LRRC4C: variants seen among roughly 807,000 people sequenced by gnomAD.
LRRC4C encodes the protein leucine rich repeat containing 4C, also known as leucine-rich repeat-containing protein 4C.
In LRRC4C, 5 loss-of-function variants were observed where a neutral mutation model predicts 33.6. The ratio of observed to expected loss-of-function variants is 0.15; its 90% confidence interval spans 0.08 to 0.31. The LOEUF is 0.31. LRRC4C is among the 10% of genes least tolerant of loss of function. The pLI, the probability that LRRC4C is intolerant of heterozygous loss-of-function variation, is 1.00. For synonymous variants in LRRC4C, 329 were observed against 302.0 expected (o/e 1.09, Z -0.93); for missense variants, 560 against 796.7 (o/e 0.70, Z 3.58).
intron 1 of LRRC4C, among the ~76,000 whole-genome samples, chr11:41,179,868 C>G (rs1389961812): frequency 1.2e-5 from 1 of 80,094 alleles, no homozygotes; most frequent in Non-Finnish European, 2.6e-5. Flanking sequence ...TAGGTGTTGA[C>G]AAAAACACAG....
intron 2 of LRRC4C, among the ~76,000 whole-genome samples, chr11:40,872,096 G>T (rs948099577): frequency 1.3e-5 from 2 of 152,090 alleles, no homozygotes; most frequent in Non-Finnish European, 2.9e-5. Flanking sequence ...AGTTTCCTGT[G>T]TGAAGGATGC....
At chr11:41,004,250 T>A (rs1455865672) in intron 1 of LRRC4C, among the ~76,000 whole-genome samples, 1 of 152,172 alleles carries the variant, frequency 6.6e-6, no homozygotes, top group Non-Finnish European at 1.5e-5. Context: ...TAGCAAGCAA[T>A]GTTACAAGCA....
chr11:41,248,707 A>G (rs1948533158), intron 1 of LRRC4C, among the ~76,000 whole-genome samples: 1 of 113,772 alleles, frequency 8.8e-6, no homozygotes, highest in Non-Finnish European at 2.1e-5. Context: ...CTGATGACCA[A>G]ATTTACATCT....
chr11:40,470,671 C>T (rs1263629441), intron 3 of LRRC4C, among the ~76,000 whole-genome samples: 1 of 152,024 alleles, frequency 6.6e-6, no homozygotes, highest in Non-Finnish European at 1.5e-5. Flanking sequence ...ACTAGAATAC[C>T]CAGTTTAGGG....
At chr11:40,786,455 G>A (rs1048431674) in intron 2 of LRRC4C, among the ~76,000 whole-genome samples, 2 of 152,164 alleles carry the variant, frequency 1.3e-5, no homozygotes, top group African/African-American at 4.8e-5. Flanking sequence ...AACCACCCTA[G>A]CTGATGCTTG....
chr11:41,307,632 A>C (rs925105078), intron 1 of LRRC4C, among the ~76,000 whole-genome samples: 10 of 152,172 alleles, frequency 6.6e-5, no homozygotes, highest in African/African-American at 2.4e-4. Context: ...GAAGAATCTC[A>C]TTACCAAGTG....
chr11:40,200,180 T>TAAAAAAAAAAA lies in LRRC4C; in HGVS notation c.-96+41328_-96+41338dup, dbSNP rs56269292. ...CAAAATGGAGAAAGCCTGTCTCCACTAAAAAAAAAAAAAAAAAAAAAAAAA... is the reference window on the plus strand; with the variant it reads ...CAAAATGGAGAAAGCCTGTCTCCACTAAAAAAAAAAAAAAAAAAAAAAAAAAAAAAAAAAAA... On this transcript the variant is annotated intron_variant, in intron 5 of 6. Transcript: ENST00000528697. Among the ~76,000 whole-genome samples, 5 of 26,046 alleles carry TAAAAAAAAAAA rather than the reference T, an allele frequency of 1.9e-4. No individual in the cohort carries two copies. In the East Asian group the frequency reaches 6.9e-3, roughly 36 times the overall value. The allele number at this position is 26,046 out of a possible 152,430, so 17.1% of individuals were successfully genotyped here. A position where few individuals can be genotyped will look rare whatever the true frequency, so the allele number is the denominator to read the frequency against.
chr11:40,237,009 AAC>A (rs894566373), intron 5 of LRRC4C, among the ~76,000 whole-genome samples: 1 of 152,222 alleles, frequency 6.6e-6, no homozygotes, highest in Non-Finnish European at 1.5e-5. Context: ...CAAAGAAAAA[AAC>A]ACAGTCATCT....
rs144438308 is a variant in LRRC4C, at chr11:40,556,933, T to C, written c.-270+91209A>G. On this transcript the variant is annotated intron_variant, in intron 3 of 6. Coordinates refer to ENST00000528697, the MANE Select transcript of LRRC4C (RefSeq NM_001258419.2). ...GTTTGAAGCCCATTTCTGCCACATC[T>C]TATTATCTGTAAGTATAATTTAGGC... Among the ~76,000 whole-genome samples, 1,176 of 152,236 alleles carry C rather than the reference T, an allele frequency of 7.7e-3. 16 individuals carry two copies. The highest frequency in any genetic ancestry group is 0.026 in the African/African-American group (1,091 of 41,538).
intron 1 of LRRC4C, among the ~76,000 whole-genome samples, chr11:41,283,502 T>C (rs1288212229): frequency 6.6e-6 from 1 of 152,204 alleles, no homozygotes; most frequent in East Asian, 1.9e-4. Flanking sequence ...TTTTGAGTGG[T>C]TGAAAAAACA....
At chr11:41,281,021 AAT>A (rs1288173806) in intron 1 of LRRC4C, among the ~76,000 whole-genome samples, 3 of 146,504 alleles carry the variant, frequency 2.0e-5, no homozygotes, top group Non-Finnish European at 3.0e-5. Flanking sequence ...ATTTTAAGAT[AAT>A]CTCACTTAAA....
chr11:40,934,314 A>T (rs1592130201), intron 1 of LRRC4C, among the ~76,000 whole-genome samples: 1 of 152,134 alleles, frequency 6.6e-6, no homozygotes, highest in South Asian at 2.1e-4. Context: ...TTTGTTTGTC[A>T]TATTTTATGA....
rs570089135 is a variant in LRRC4C, at chr11:41,101,352, C to T, written c.-495-167629G>A. 9.9e-5 allele frequency among the ~76,000 whole-genome samples: 15 copies of T among 152,190 alleles called. No individual in the cohort carries two copies. In the East Asian group the frequency reaches 2.9e-3, roughly 29 times the overall value. ...AGTGGACAAAGAATATGAGCAGATACTTCTCAAAAGGAGATATACATGTGG... is the reference window on the plus strand; with the variant it reads ...AGTGGACAAAGAATATGAGCAGATATTTCTCAAAAGGAGATATACATGTGG... On this transcript the variant is annotated intron_variant, in intron 1 of 6. Transcript: ENST00000528697.
At chr11:40,131,567 C>T (rs1856645297) in intron 6 of LRRC4C, among the ~76,000 whole-genome samples, 1 of 152,122 alleles carries the variant, frequency 6.6e-6, no homozygotes, top group Non-Finnish European at 1.5e-5. Context: ...ACTAAGCAGA[C>T]ACTAATAGTA....
intron 1 of LRRC4C, among the ~76,000 whole-genome samples, chr11:41,149,588 T>C (rs774755920): frequency 7.3e-5 from 11 of 150,926 alleles, no homozygotes; most frequent in Non-Finnish European, 1.5e-4. Context: ...AAGGCAAAAC[T>C]GGCTCCAATT....
intron 4 of LRRC4C, among the ~76,000 whole-genome samples, chr11:40,261,288 C>T (rs1009002614): frequency 6.6e-6 from 1 of 152,098 alleles, no homozygotes; most frequent in Non-Finnish European, 1.5e-5. Flanking sequence ...GAAATAAATA[C>T]TGAATGTTAT....
intron 1 of LRRC4C, among the ~76,000 whole-genome samples, chr11:41,000,737 G>A (rs1008949192): frequency 6.6e-5 from 10 of 152,054 alleles, no homozygotes; most frequent in Admixed American, 3.3e-4. Context: ...ACTGGCCAGC[G>A]TAGGCATTTG....
chr11:40,433,623 C>T (rs1414577316), intron 3 of LRRC4C, among the ~76,000 whole-genome samples: 2 of 152,198 alleles, frequency 1.3e-5, no homozygotes, highest in Non-Finnish European at 2.9e-5. Context: ...TTTTGCCTCT[C>T]AGCAGCAGAT....
At chr11:40,853,491 C>G (rs1953614024) in intron 2 of LRRC4C, among the ~76,000 whole-genome samples, 1 of 150,090 alleles carries the variant, frequency 6.7e-6, no homozygotes. Flanking sequence ...ATAGCCTAAC[C>G]AGGTCATTCA....
Sources: allele counts gnomAD v4.1 joint callset (sites outside exome capture counted in the v4.1 genomes callset), GRCh38; gene constraint gnomAD v4.1.1; transcripts MANE v1.5; gene names NCBI Gene and HGNC (gene_info 2026-07-23, HGNC 2026-07-21).